Variants in ENTREP2 observed in about 807,000 individuals in gnomAD.
ENTREP2 encodes endosomal transmembrane epsin interactor 2.
chr15:29,291,117 G>A, the ENTREP2 span, among the ~76,000 whole-genome samples: 1 of 152,148 alleles, frequency 6.6e-6, no homozygotes, highest in African/African-American at 2.4e-5. Flanking sequence ...GCAATTCTGG[G>A]GGCCATGGAA....
the ENTREP2 span, among the ~76,000 whole-genome samples, chr15:29,428,236 CAG>C: frequency 2.6e-5 from 4 of 152,186 alleles, no homozygotes; most frequent in South Asian, 8.3e-4. Context: ...TTGTTTGAGA[CAG>C]AGTCTCACTC....
the ENTREP2 span, among the ~76,000 whole-genome samples, chr15:29,607,777 G>T: frequency 1.0e-4 from 15 of 147,376 alleles, no homozygotes; most frequent in African/African-American, 3.6e-4. Context: ...TCCCTAGGGG[G>T]ACAGAACTAA....
chr15:29,636,906 A>G, the ENTREP2 span, among the ~76,000 whole-genome samples: 1 of 152,200 alleles, frequency 6.6e-6, no homozygotes, highest in Non-Finnish European at 1.5e-5. Flanking sequence ...AAACATTTCT[A>G]TATTTGTTCA....
the ENTREP2 span, among the ~76,000 whole-genome samples, chr15:29,674,155 G>A: frequency 3.6e-5 from 5 of 139,528 alleles, no homozygotes; most frequent in South Asian, 2.4e-4. Flanking sequence ...TTTGCCAGCA[G>A]TCAAGTCCTG....
At chr15:29,503,232 G>A in the ENTREP2 span, among the ~76,000 whole-genome samples, 1 of 152,142 alleles carries the variant, frequency 6.6e-6, no homozygotes, top group Non-Finnish European at 1.5e-5. Context: ...ACAAAATGTG[G>A]TATATACATA....
the ENTREP2 span, among the ~76,000 whole-genome samples, chr15:29,529,724 A>G: frequency 6.6e-6 from 1 of 152,180 alleles, no homozygotes; most frequent in Non-Finnish European, 1.5e-5. Flanking sequence ...CTCACAGAGA[A>G]TGACACCTAG....
At chr15:29,126,870 G>A in the ENTREP2 span, among the ~76,000 whole-genome samples, 10 of 152,212 alleles carry the variant, frequency 6.6e-5, no homozygotes, top group Non-Finnish European at 1.0e-4. Flanking sequence ...TCTCAGGCCC[G>A]CCCTTGCAGG....
the ENTREP2 span, among the ~76,000 whole-genome samples, chr15:29,546,139 T>C: frequency 3.9e-5 from 6 of 152,212 alleles, no homozygotes; most frequent in Non-Finnish European, 8.8e-5. Context: ...GATCACTTTA[T>C]GTTGGACACT....
the ENTREP2 span, among the ~76,000 whole-genome samples, chr15:29,194,381 C>T: frequency 6.6e-6 from 1 of 152,228 alleles, no homozygotes; most frequent in Non-Finnish European, 1.5e-5. Flanking sequence ...ACAACTCCTG[C>T]CTCCTTTGAG....
the ENTREP2 span, among the ~76,000 whole-genome samples, chr15:29,279,191 T>C: frequency 6.6e-6 from 1 of 152,182 alleles, no homozygotes; most frequent in African/African-American, 2.4e-5. Flanking sequence ...TCACGTATGT[T>C]GACGTGTGCC....
the ENTREP2 span, among the ~76,000 whole-genome samples, chr15:29,532,759 T>C: frequency 6.6e-6 from 1 of 152,234 alleles, no homozygotes; most frequent in Non-Finnish European, 1.5e-5. Flanking sequence ...GCCAATAGAA[T>C]TGATTTCTGC....
the ENTREP2 span, among the ~76,000 whole-genome samples, chr15:29,635,086 GC>G: frequency 6.6e-6 from 1 of 152,058 alleles, no homozygotes; most frequent in African/African-American, 2.4e-5. Context: ...CTCATGATCT[GC>G]CCGCCTCGGC....
At chr15:29,490,338 G>C in the ENTREP2 span, among the ~76,000 whole-genome samples, 1 of 152,210 alleles carries the variant, frequency 6.6e-6, no homozygotes, top group Admixed American at 6.5e-5. Context: ...GCCTAAGAGT[G>C]AGCAGTGGCA....
chr15:29,320,211 AC>A, the ENTREP2 span, among the ~76,000 whole-genome samples: 1 of 152,008 alleles, frequency 6.6e-6, no homozygotes, highest in Non-Finnish European at 1.5e-5. Context: ...CCACACACAC[AC>A]CTTCCCACCA....
At chr15:29,295,548 A>G in the ENTREP2 span, among the ~76,000 whole-genome samples, 1 of 152,240 alleles carries the variant, frequency 6.6e-6, no homozygotes, top group Non-Finnish European at 1.5e-5. Context: ...AGTTTTTCCT[A>G]TACTTACATA....
At chr15:29,283,508 C>G in the ENTREP2 span, among the ~76,000 whole-genome samples, 1 of 152,190 alleles carries the variant, frequency 6.6e-6, no homozygotes, top group Non-Finnish European at 1.5e-5. Flanking sequence ...GCCATCATGC[C>G]TGGCCCCATC....
the ENTREP2 span, among the ~76,000 whole-genome samples, chr15:29,364,602 T>C: frequency 1.3e-5 from 2 of 152,224 alleles, no homozygotes; most frequent in East Asian, 1.9e-4. Flanking sequence ...TACTCCCGTT[T>C]TGGATAACAG....
the ENTREP2 span, among the ~76,000 whole-genome samples, chr15:29,484,530 T>G: frequency 1.6e-4 from 24 of 152,202 alleles, 1 homozygote; most frequent in South Asian, 4.8e-3. Flanking sequence ...AAATAATCAT[T>G]CACATGCCAT....
At chr15:29,547,046 A>C in the ENTREP2 span, among the ~76,000 whole-genome samples, 841 of 151,982 alleles carry the variant, frequency 5.5e-3, 4 homozygotes, top group African/African-American at 0.019. Context: ...GGAATTCTGC[A>C]AAGAAAGAAA....
Sources: gnomAD v4.1 joint callset for allele counts (sites outside exome capture counted in the v4.1 genomes callset) on GRCh38, gnomAD v4.1.1 for gene constraint, MANE v1.5 for transcripts, NCBI Gene and HGNC (gene_info 2026-07-23, HGNC 2026-07-21) for gene names.